Variants in AP4M1 observed in about 807,000 individuals in gnomAD.
The protein encoded by AP4M1 is AP-4 complex subunit mu-1.
Under a neutral mutation model 62.4 loss-of-function variants are expected in AP4M1, and 58 were observed. That is an observed-to-expected ratio of 0.93 (90% confidence interval 0.75 to 1.16). The LOEUF (loss-of-function observed/expected upper bound fraction) is 1.16, where lower values mean the gene tolerates loss of function less well. Ranked by LOEUF, AP4M1 falls within the 50% of genes most tolerant of loss-of-function variation. AP4M1 has a pLI of 0.00. For synonymous variants in AP4M1, 290 were observed against 239.7 expected, an observed-to-expected ratio of 1.21 and a Z score of -1.94; for missense variants, 626 against 585.4, an observed-to-expected ratio of 1.07 and a Z score of -0.72.
upstream of AP4M1, chr7:100,101,358 G>C: frequency 6.2e-7 from 1 of 1,605,414 alleles, no homozygotes. Context: ...GGGAAGCTGA[G>C]AATCTCCGCG....
chr7:100,105,461 A>C lies in AP4M1; in HGVS notation c.851A>C (p.Tyr284Ser), dbSNP rs1554380391. The stretch of plus-strand genomic sequence containing the variant: ...GTCTCTCAGCTGACTGTGATGCGGT[A>C]CCAACTCTCCGATGACCTCCCCTCA... ...PPQGELTVMRYQLSDDLPSPL... is the reference protein window; with the variant it reads ...PPQGELTVMRSQLSDDLPSPL... Residue 284 changes from tyrosine (Y) to serine (S), a missense_variant, in exon 11 of 15, where the codon TAC becomes TCC. Physicochemically the swap from Tyr to Ser is moderately radical, Grantham distance 144. Coordinates refer to ENST00000359593, the MANE Select transcript of AP4M1 (RefSeq NM_004722.4). 1 of 1,614,098 alleles carries C rather than the reference A, an allele frequency of 6.2e-7. No homozygotes were observed. Among genetic ancestry groups the C allele is most frequent in the Non-Finnish European group, 8.5e-7 (1 of 1,180,008 alleles).
upstream of AP4M1, chr7:100,101,369 C>A (rs563848236): frequency 6.3e-7 from 1 of 1,595,554 alleles, no homozygotes; most frequent in Non-Finnish European, 8.6e-7. Flanking sequence ...AATCTCCGCG[C>A]GGTGGACTGT....
intron 6 of AP4M1, 25 bp from the exon 7 acceptor site, chr7:100,104,067 C>T (rs1367798500): frequency 1.9e-6 from 3 of 1,611,480 alleles, no homozygotes; most frequent in Non-Finnish European, 2.5e-6. Flanking sequence ...TGCTTCCAAC[C>T]ACCCAAATTC....
At chr7:100,103,901 A>AG (rs1554379471) in intron 6 of AP4M1, among the ~76,000 whole-genome samples, 191 bp from the exon 7 acceptor site, 4 of 150,968 alleles carry the variant, frequency 2.6e-5, no homozygotes, top group African/African-American at 7.3e-5. Context: ...AAAAAAAAAA[A>AG]AAAAAGAAAA....
At chr7:100,105,004 A>G (rs1418849833) in intron 8 of AP4M1, 41 bp from the exon 9 acceptor site, 4 of 1,614,008 alleles carry the variant, frequency 2.5e-6, no homozygotes, top group African/African-American at 2.7e-5. Context: ...GTCTTAAACC[A>G]TGGCATTGCT....
Position 100,106,416 on chromosome 7 carries a change from C to T in AP4M1, c.1039C>T (p.Leu347=), listed in dbSNP as rs1405436221. Residue 347 remains leucine (L), a synonymous_variant, in exon 14 of 15, where the codon CTG becomes TTG. Transcript: ENST00000359593. ...PRGVVSLSQE[L]SSPEQKAELA... The stretch of plus-strand genomic sequence containing the variant: ...TCCAAACTCCAGCCTGTCTCAGGAG[C>T]TGAGCAGCCCAGAGCAGAAGGCTGA... 2 of 1,613,746 alleles carry T rather than the reference C, an allele frequency of 1.2e-6. No homozygotes were observed. The highest frequency in any genetic ancestry group is 2.2e-5 in the East Asian group (1 of 44,886).
intron 11 of AP4M1, 128 bp from the exon 12 acceptor site, chr7:100,105,831 C>T (rs1562910809): frequency 5.2e-6 from 6 of 1,164,866 alleles, no homozygotes; most frequent in Non-Finnish European, 7.8e-6. Context: ...TTGGGCTGGG[C>T]TTCAGCCCTT....
At position 100,106,269 on chromosome 7, in the gene AP4M1, C is replaced by T; in HGVS notation, c.1003C>T (p.Pro335Ser). Residue 335 changes from proline (P) to serine (S), a missense_variant, in exon 13 of 15, where the codon CCC becomes TCC. Physicochemically the swap from Pro to Ser is moderately conservative, Grantham distance 74 (BLOSUM62 -1). Coordinates refer to ENST00000359593, the MANE Select transcript of AP4M1 (RefSeq NM_004722.4). ...SQALNVRLHL[P>S]LPRGVVSLSQ... ...AGCCCTCAATGTCAGGCTGCACCTC[C>T]CCCTGCCTCGAGGGGTGGTCAGGTG... The T allele has an allele frequency of 6.2e-7, 1 of 1,614,118 alleles. No individual in the cohort carries two copies. The highest frequency in any genetic ancestry group is 1.1e-5 in the South Asian group (1 of 91,086).
intron 4 of AP4M1, 101 bp downstream of exon 4, chr7:100,103,061 C>CTTTTTTTTT (rs55764736): frequency 2.1e-5 from 11 of 530,820 alleles, no homozygotes; most frequent in African/African-American, 1.1e-4. Flanking sequence ...CCAAGTCTAC[C>CTTTTTTTTT]TTTTTTTTTT....
chr7:100,101,335 G>C, upstream of AP4M1: 1 of 1,612,432 alleles, frequency 6.2e-7, no homozygotes, highest in Non-Finnish European at 8.5e-7. Flanking sequence ...CGGGCTCAGA[G>C]GTCTTGCTCC....
chr7:100,103,061 CTTTTTTTTT>C (rs55764736), intron 4 of AP4M1, 101 bp downstream of exon 4: 5 of 530,826 alleles, frequency 9.4e-6, no homozygotes, highest in South Asian at 1.9e-5. Context: ...CCAAGTCTAC[CTTTTTTTTT>C]TTTTTTTTTT....
At chr7:100,105,152 T>TGGAGAGAAGTCAGAC in intron 9 of AP4M1, 54 bp downstream of exon 9, 1 of 1,612,578 alleles carries the variant, frequency 6.2e-7, no homozygotes, top group Non-Finnish European at 8.5e-7. Context: ...CCAGAGTTCA[T>TGGAGAGAAGTCAGAC]GGAGAGAAGT....
At chr7:100,102,606 G>T in intron 2 of AP4M1, 69 bp from the exon 3 acceptor site, 1 of 1,403,694 alleles carries the variant, frequency 7.1e-7, no homozygotes, top group Non-Finnish European at 1.0e-6. Context: ...TCCGAGCTCA[G>T]GTCTCCTGGG....
At chr7:100,103,329 A>C in intron 4 of AP4M1, 80 bp from the exon 5 acceptor site, 1 of 1,208,714 alleles carries the variant, frequency 8.3e-7, no homozygotes, top group Non-Finnish European at 1.2e-6. Context: ...TACAGGAGTG[A>C]GTCACCATGC....
In AP4M1 at chr7:100,106,472, G is replaced by A; in HGVS notation, c.1095G>A (p.Leu365=). The A allele has an allele frequency of 6.2e-7, 1 of 1,613,814 alleles. No homozygotes were observed. The change falls in exon 14 of 15, where the codon CTG becomes CTA. Residue 365 remains leucine (L), a synonymous_variant. Coordinates refer to ENST00000359593, the MANE Select transcript of AP4M1 (RefSeq NM_004722.4). ...ELAEGALRWD[L]PRVQGGSQLS... ...CAGAGGGAGCCCTTCGCTGGGACCT[G>A]CCTCGGGTGCAAGGAGGCTCTCAAC...
chr7:100,102,577 C>G (rs1183651888), intron 2 of AP4M1, 98 bp from the exon 3 acceptor site: 1 of 1,012,246 alleles, frequency 9.9e-7, no homozygotes, highest in Non-Finnish European at 1.5e-6. Flanking sequence ...GCTGTTGTGA[C>G]TAGTAAGAGG....
At chr7:100,102,094 C>A in intron 2 of AP4M1, 126 bp downstream of exon 2, 1 of 1,113,360 alleles carries the variant, frequency 9.0e-7, no homozygotes, top group Non-Finnish European at 1.3e-6. Flanking sequence ...ATAAAGCTAA[C>A]GTGAGGCCCG....
chr7:100,105,218 G>C (rs946448880), intron 9 of AP4M1, 22 bp from the exon 10 acceptor site: 369 of 1,594,356 alleles, frequency 2.3e-4, no homozygotes, highest in Admixed American at 5.8e-4. Flanking sequence ...CAGGAGAGAA[G>C]TCTCTCTCTC....
At position 100,106,285 on chromosome 7, in the gene AP4M1, T is replaced by TG; in HGVS notation, c.1021dup (p.Val341GlyfsTer15). On this transcript the variant is annotated frameshift_variant, in exon 13 of 15. Coordinates refer to ENST00000359593, the MANE Select transcript of AP4M1 (RefSeq NM_004722.4). LOFTEE classifies it high-confidence loss of function. Reference sequence around the variant, plus strand: ...CTGCACCTCCCCCTGCCTCGAGGGGTGGTCAGGTGAGTGTGTGCACCCACC... The same window carrying TG: ...CTGCACCTCCCCCTGCCTCGAGGGGTGGGTCAGGTGAGTGTGTGCACCCACC... The TG allele has an allele frequency of 1.2e-6, 2 of 1,613,720 alleles. No individual in the cohort carries two copies. Among genetic ancestry groups the TG allele is most frequent in the Non-Finnish European group, 1.7e-6 (2 of 1,179,952 alleles).
Sources: allele counts gnomAD v4.1 joint callset (sites outside exome capture counted in the v4.1 genomes callset), GRCh38; gene constraint gnomAD v4.1.1; transcripts MANE v1.5; gene names NCBI Gene and HGNC (gene_info 2026-07-23, HGNC 2026-07-21).